The following DOCK3 variants were observed in gnomAD, a reference collection of about 807,000 sequenced individuals.
DOCK3 encodes the protein dedicator of cytokinesis protein 3.
In DOCK3, 60 loss-of-function variants were observed where a neutral mutation model predicts 265.6. That is an observed-to-expected ratio of 0.23 (90% CI 0.18 to 0.28). The LOEUF (loss-of-function observed/expected upper bound fraction) is 0.28. Among genes scored for constraint, DOCK3 ranks in the 10% least tolerant of loss-of-function variants. DOCK3 has a pLI of 1.00. For synonymous variants in DOCK3, 881 were observed against 938.0 expected (o/e 0.94, Z 1.11); for missense variants, 1,981 against 2,594.3 (o/e 0.76, Z 5.14).
chr3:50,916,890 C>T (rs965663668), intron 4 of DOCK3, among the ~76,000 whole-genome samples: 2 of 151,198 alleles, frequency 1.3e-5, no homozygotes, highest in African/African-American at 4.9e-5. Context: ...ATTGTTTTGG[C>T]TCCCTTTATG....
At chr3:51,068,747 T>C (rs996772136) in intron 6 of DOCK3, among the ~76,000 whole-genome samples, 3 of 152,102 alleles carry the variant, frequency 2.0e-5, no homozygotes, top group African/African-American at 7.2e-5. Flanking sequence ...TCTAATTATG[T>C]GTGAGTCTTA....
intron 46 of DOCK3, 137 bp downstream of exon 46, chr3:51,358,214 C>T (rs2086493712): frequency 1.3e-6 from 1 of 764,636 alleles, no homozygotes; most frequent in African/African-American, 1.7e-5. Flanking sequence ...GCTGTCCTCC[C>T]TACAGAGGGA....
At chr3:51,165,914 T>C (rs1356267101) in intron 12 of DOCK3, among the ~76,000 whole-genome samples, 1 of 151,600 alleles carries the variant, frequency 6.6e-6, no homozygotes, top group Non-Finnish European at 1.5e-5. Context: ...TATAATTACA[T>C]TGGGAATTGA....
chr3:51,358,536 C>T (rs1045296652), intron 46 of DOCK3, among the ~76,000 whole-genome samples: 1 of 152,198 alleles, frequency 6.6e-6, no homozygotes, highest in Non-Finnish European at 1.5e-5. Flanking sequence ...TAATCGTTCT[C>T]TTTTCCCTCT....
chr3:50,933,821 C>T (rs559571804), intron 4 of DOCK3, among the ~76,000 whole-genome samples, 160 bp from the exon 5 acceptor site: 142 of 152,232 alleles, frequency 9.3e-4, no homozygotes, highest in African/African-American at 3.3e-3. Context: ...TTCACTGTTG[C>T]AGTATATCAT....
chr3:50,695,285 A>G (rs2107770876), intron 1 of DOCK3, among the ~76,000 whole-genome samples: 1 of 152,344 alleles, frequency 6.6e-6, no homozygotes, highest in East Asian at 1.9e-4. Context: ...GTTCTTCACA[A>G]ATTAAGGAGC....
intron 2 of DOCK3, among the ~76,000 whole-genome samples, chr3:50,781,965 T>C (rs1371873059): frequency 6.6e-6 from 1 of 152,228 alleles, no homozygotes; most frequent in Non-Finnish European, 1.5e-5. Context: ...GATCTTGTTC[T>C]TTTTTATGGC....
chr3:50,884,661 G>A (rs2048235740), intron 3 of DOCK3, among the ~76,000 whole-genome samples: 1 of 151,822 alleles, frequency 6.6e-6, no homozygotes, highest in Non-Finnish European at 1.5e-5. Context: ...GATTCATTCA[G>A]CTTCTTGAAT....
chr3:51,175,955 T>C (rs996918450), intron 12 of DOCK3, among the ~76,000 whole-genome samples: 2 of 152,316 alleles, frequency 1.3e-5, no homozygotes, highest in East Asian at 3.9e-4. Context: ...ATGCATTGTT[T>C]GAACATGTGC....
At chr3:51,236,126 T>C (rs2078338870) in intron 19 of DOCK3, among the ~76,000 whole-genome samples, 1 of 152,210 alleles carries the variant, frequency 6.6e-6, no homozygotes, top group Non-Finnish European at 1.5e-5. Flanking sequence ...TCTAAGTCTT[T>C]CTTGGGGCCC....
intron 7 of DOCK3, 143 bp downstream of exon 7, chr3:51,075,583 A>G (rs2082030320): frequency 1.6e-6 from 1 of 639,558 alleles, no homozygotes; most frequent in Non-Finnish European, 2.7e-6. Context: ...TTCTGGCCAT[A>G]TCTGTCACAC....
At chr3:50,976,078 C>T in intron 5 of DOCK3, among the ~76,000 whole-genome samples, 1 of 150,232 alleles carries the variant, frequency 6.7e-6, no homozygotes, top group South Asian at 2.1e-4. Flanking sequence ...TTTTGTTGAT[C>T]CTTTCAAAAA....
rs528453686 is a variant in DOCK3, at chr3:51,112,822, CA to C, written c.746+22439del. 4.2e-3 allele frequency among the ~76,000 whole-genome samples: 637 copies of C among 152,258 alleles called. 12 individuals carry two copies. Among genetic ancestry groups the C allele is most frequent in the Non-Finnish European group, 3.4e-3 (233 of 68,018 alleles). On this transcript the variant is annotated intron_variant, in intron 9 of 52. Coordinates refer to ENST00000266037, the MANE Select transcript of DOCK3 (RefSeq NM_004947.5). Reference sequence around the variant, plus strand: ...TGGCCACTCTACAGATTAATTAAAACAGGATTTCTCAGATGATTTCAATGTG... The same window carrying C: ...TGGCCACTCTACAGATTAATTAAAACGGATTTCTCAGATGATTTCAATGTG...
intron 3 of DOCK3, among the ~76,000 whole-genome samples, chr3:50,855,290 A>G (rs1218710656): frequency 2.6e-5 from 4 of 152,080 alleles, no homozygotes; most frequent in Admixed American, 2.0e-4. Context: ...TGTGTCATCT[A>G]TGATTACTTT....
chr3:51,177,793 C>G (rs1576328063), intron 12 of DOCK3, among the ~76,000 whole-genome samples: 1 of 152,144 alleles, frequency 6.6e-6, no homozygotes, highest in East Asian at 1.9e-4. Context: ...GAGTTCCAGA[C>G]CAGCCTGGCC....
intron 27 of DOCK3, among the ~76,000 whole-genome samples, chr3:51,293,921 T>C (rs2081929003): frequency 6.6e-6 from 1 of 152,204 alleles, no homozygotes; most frequent in Non-Finnish European, 1.5e-5. Context: ...ATTTGTTAGA[T>C]AAGCTATAAT....
At chr3:51,110,738 T>C (rs1231216416) in intron 9 of DOCK3, among the ~76,000 whole-genome samples, 2 of 152,134 alleles carry the variant, frequency 1.3e-5, no homozygotes, top group African/African-American at 2.4e-5. Context: ...TCATACTGAA[T>C]AGACAAAAGT....
intron 2 of DOCK3, 46 bp from the exon 3 acceptor site, chr3:50,841,629 T>G (rs1230013869): frequency 1.1e-6 from 1 of 922,744 alleles, no homozygotes; most frequent in South Asian, 2.6e-5. Context: ...TGTCTCTTAT[T>G]GAACATGACA....
intron 1 of DOCK3, among the ~76,000 whole-genome samples, chr3:50,769,556 A>G (rs1334687628): frequency 1.3e-5 from 2 of 152,116 alleles, no homozygotes; most frequent in African/African-American, 4.8e-5. Flanking sequence ...CACACCTGTA[A>G]TCCTAGCACT....
Sources: gnomAD v4.1 joint callset for allele counts (sites outside exome capture counted in the v4.1 genomes callset) on GRCh38, gnomAD v4.1.1 for gene constraint, MANE v1.5 for transcripts, NCBI Gene and HGNC (gene_info 2026-07-23, HGNC 2026-07-21) for gene names.